GABBR2: variants seen among roughly 807,000 people sequenced by gnomAD.
GABBR2 encodes G-protein coupled receptor 51.
In GABBR2, 23 loss-of-function variants were observed where a neutral mutation model predicts 105.6. The ratio of observed to expected loss-of-function variants is 0.22; its 90% CI spans 0.16 to 0.31. The LOEUF is 0.31. GABBR2 is among the 10% of genes least tolerant of loss of function. GABBR2 has a pLI of 1.00. For missense variants in GABBR2, 734 were observed against 1,245.5 expected, an observed-to-expected ratio of 0.59 and a Z score of 6.18; for synonymous variants, 478 against 499.7, an observed-to-expected ratio of 0.96 and a Z score of 0.58.
At chr9:98,393,195 CACTTG>C (rs1832223512) in intron 9 of GABBR2, among the ~76,000 whole-genome samples, 102 of 139,004 alleles carry the variant, frequency 7.3e-4, no homozygotes, top group African/African-American at 1.7e-3. Context: ...TCTATCCATC[CACTTG>C]ATCAATTCAT....
chr9:98,615,138 T>C (rs975475573), intron 1 of GABBR2, among the ~76,000 whole-genome samples: 1 of 152,206 alleles, frequency 6.6e-6, no homozygotes, highest in African/African-American at 2.4e-5. Context: ...TCTCACTTTA[T>C]AGGCTCCTGA....
At chr9:98,532,016 C>T (rs10986579) in intron 3 of GABBR2, among the ~76,000 whole-genome samples, 116,667 of 152,158 alleles carry the variant, frequency 0.77, 45,196 homozygotes, top group Middle Eastern at 0.91. Context: ...TTCAATTGAA[C>T]GGTGTCACTT....
rs566723170 is a variant in GABBR2 at position 98,394,223 on chromosome 9, C to T, written c.1330G>A (p.Ala444Thr). 4 of 1,613,900 alleles carry T rather than the reference C, an allele frequency of 2.5e-6. No homozygotes were observed. Among genetic ancestry groups the T allele is most frequent in the Admixed American group, 1.7e-5 (1 of 60,020 alleles). The change falls in exon 9 of 19, where the codon GCT becomes ACT. Residue 444 changes from alanine (A) to threonine (T), a missense_variant. Physicochemically the swap from Ala to Thr is moderately conservative, Grantham distance 58. Around this residue, in one of 7 missense-constraint regions of GABBR2, gnomAD observed 370 missense variants for 648.9 expected, o/e 0.57. Transcript: ENST00000259455. The stretch of plus-strand genomic sequence containing the variant: ...ATGATCTCCAGTGTGTCGGCCACAG[C>T]GTTGTACTCTCCCACCTTCACCTCC... ...SREVKVGEYN[A>T]VADTLEIIND...
chr9:98,630,701 C>A (rs1829804655), intron 1 of GABBR2, among the ~76,000 whole-genome samples: 1 of 152,150 alleles, frequency 6.6e-6, no homozygotes, highest in South Asian at 2.1e-4. Context: ...CAGCAAAGAC[C>A]ACCCAATAAA....
At chr9:98,463,392 G>A (rs1826460509) in intron 6 of GABBR2, among the ~76,000 whole-genome samples, 1 of 152,078 alleles carries the variant, frequency 6.6e-6, no homozygotes, top group Non-Finnish European at 1.5e-5. Flanking sequence ...TGTATAAACT[G>A]GCAATCTGTT....
intron 10 of GABBR2, among the ~76,000 whole-genome samples, chr9:98,387,754 G>A (rs1016930199): frequency 2.0e-5 from 3 of 151,542 alleles, no homozygotes; most frequent in African/African-American, 7.3e-5. Flanking sequence ...TAGTGAGACT[G>A]TCTCTTAAAA....
intron 3 of GABBR2, among the ~76,000 whole-genome samples, chr9:98,514,447 C>T (rs907293930): frequency 4.9e-5 from 7 of 143,568 alleles, no homozygotes; most frequent in African/African-American, 1.5e-4. Flanking sequence ...GGCACATACA[C>T]ACCATGGAAT....
Position 98,289,449 on chromosome 9 carries a change from G to A in GABBR2, c.*1135C>T, listed in dbSNP as rs1360365245. 6.6e-6 allele frequency: 1 copy of A among 152,556 alleles called. No individual in the cohort carries two copies. The highest frequency in any genetic ancestry group is 1.5e-5 in the Non-Finnish European group (1 of 68,058). The allele number at this position is 152,556 out of a possible 1,614,324, so 9.5% of individuals were successfully genotyped here. ...TAAAGGGAGGAATGATCTTATGAAT[G>A]AGAATCAATCTGCTGACTGATCACC... On this transcript the variant is annotated 3_prime_UTR_variant, in exon 19 of 19. Coordinates refer to ENST00000259455, the MANE Select transcript of GABBR2 (RefSeq NM_005458.8).
At chr9:98,696,565 TC>T (rs773194622) in intron 1 of GABBR2, among the ~76,000 whole-genome samples, 45 of 152,182 alleles carry the variant, frequency 3.0e-4, no homozygotes, top group Non-Finnish European at 4.6e-4. Context: ...CTGGGCCTCC[TC>T]CCCCACGTGC....
intron 1 of GABBR2, among the ~76,000 whole-genome samples, chr9:98,692,395 T>C (rs1830693617): frequency 6.6e-6 from 1 of 152,214 alleles, no homozygotes; most frequent in African/African-American, 2.4e-5. Context: ...GGGCCACCTT[T>C]AGTCTTTCTT....
chr9:98,424,622 A>G (rs1467595301), intron 7 of GABBR2, among the ~76,000 whole-genome samples: 1 of 150,206 alleles, frequency 6.7e-6, no homozygotes, highest in Non-Finnish European at 1.5e-5. Flanking sequence ...CTGATAAGCA[A>G]CTTCAGCAAA....
At chr9:98,580,980 C>T (rs1455061811) in intron 1 of GABBR2, 1 of 152,210 alleles carries the variant, frequency 6.6e-6, no homozygotes, top group Non-Finnish European at 1.5e-5. Flanking sequence ...CTTGCTCCCT[C>T]TTCATTTATT....
intron 16 of GABBR2, among the ~76,000 whole-genome samples, chr9:98,301,431 T>C (rs1830467370): frequency 6.6e-6 from 1 of 152,154 alleles, no homozygotes; most frequent in Non-Finnish European, 1.5e-5. Flanking sequence ...AGGAAAAACA[T>C]GGTTAGAGGA....
chr9:98,678,676 T>C lies in GABBR2; in HGVS notation c.321+29741A>G, dbSNP rs538382279. On this transcript the variant is annotated intron_variant, in intron 1 of 18. Transcript: ENST00000259455. ...ATTAGTGCATACGGGGAGGTGAAGC[T>C]CCCCAGCCATCCCACCTCCAAATTT... Among the ~76,000 whole-genome samples the C allele has an allele frequency of 2.6e-5, 4 of 152,212 alleles. No individual in the cohort carries two copies. In the East Asian group the frequency reaches 7.7e-4, roughly 29 times the overall value.
intron 3 of GABBR2, among the ~76,000 whole-genome samples, chr9:98,502,551 A>G (rs1039618616): frequency 7.2e-5 from 11 of 152,132 alleles, no homozygotes; most frequent in Non-Finnish European, 1.6e-4. Context: ...CCAAGACTGT[A>G]TCTGCATGCC....
chr9:98,393,918 A>G (rs148215736), intron 9 of GABBR2, among the ~76,000 whole-genome samples: 21 of 152,336 alleles, frequency 1.4e-4, no homozygotes, highest in African/African-American at 5.0e-4. Context: ...GCTACATTTA[A>G]AAAGAATTAC....
intron 1 of GABBR2, among the ~76,000 whole-genome samples, chr9:98,590,263 C>T (rs1200299853): frequency 2.6e-5 from 4 of 152,158 alleles, no homozygotes; most frequent in Non-Finnish European, 5.9e-5. Context: ...GATGGACAGA[C>T]CATCTGCTTC....
chr9:98,559,579 C>T (rs1828636201), intron 2 of GABBR2, among the ~76,000 whole-genome samples: 1 of 152,058 alleles, frequency 6.6e-6, no homozygotes, highest in Non-Finnish European at 1.5e-5. Context: ...AGATATTAGC[C>T]TTTTACTTTC....
rs1438340372 is a variant in GABBR2 at position 98,354,246 on chromosome 9, C to G, written c.1893+8469G>C. Among the ~76,000 whole-genome samples, 3 of 152,310 alleles carry G rather than the reference C, an allele frequency of 2.0e-5. No individual in the cohort carries two copies. In the South Asian group the frequency reaches 6.2e-4, roughly 32 times the overall value. On this transcript the variant is annotated intron_variant, in intron 13 of 18. Coordinates refer to ENST00000259455, the MANE Select transcript of GABBR2 (RefSeq NM_005458.8). ...AGGCTTTGTTGTTCCATTTATAGAG[C>G]ACAGGCAGAGTAGATTTAGCACAAT...
Sources: allele counts gnomAD v4.1 joint callset (sites outside exome capture counted in the v4.1 genomes callset), GRCh38; gene constraint gnomAD v4.1.1; regional missense constraint gnomAD v4.1.1; transcripts MANE v1.5; gene names NCBI Gene and HGNC (gene_info 2026-07-23, HGNC 2026-07-21).